The following GABRG2 variants were observed in gnomAD, a reference collection of about 807,000 sequenced individuals.
GABRG2 encodes the protein gamma-aminobutyric acid receptor subunit gamma-2.
In GABRG2, 16 loss-of-function variants were observed where a neutral mutation model predicts 56.4. The observed-to-expected ratio is 0.28, with a 90% CI of 0.19 to 0.43. GABRG2 has a LOEUF of 0.43. Ranked by LOEUF, GABRG2 falls within the 20% of genes least tolerant of loss-of-function variation. The pLI is 1.00. For synonymous variants in GABRG2, 208 were observed against 205.5 expected, an observed-to-expected ratio of 1.01 and a Z score of -0.10; for missense variants, 327 against 582.7, an observed-to-expected ratio of 0.56 and a Z score of 4.52.
At chr5:162,067,510 G>A (rs41303360), upstream of GABRG2, 19 of 424,482 alleles carry the variant, frequency 4.5e-5, 1 homozygote, top group South Asian at 1.7e-4. Flanking sequence ...AGTTAATCAC[G>A]CAGAGTCTCT....
At chr5:162,099,756 G>C (rs1489686839) in intron 4 of GABRG2, 1 of 152,150 alleles carries the variant, frequency 6.6e-6, no homozygotes, top group African/African-American at 2.4e-5. Flanking sequence ...CACCTCAAAA[G>C]TGTCACTAAT....
At chr5:162,116,348 C>A (rs436816) in intron 6 of GABRG2, among the ~76,000 whole-genome samples, 16,340 of 150,364 alleles carry the variant, frequency 0.11, 1,117 homozygotes, top group East Asian at 0.25. Context: ...GCTATGGTAA[C>A]AAATAACCCT....
chr5:162,078,185 C>T (rs922070660), intron 1 of GABRG2, among the ~76,000 whole-genome samples: 2 of 151,580 alleles, frequency 1.3e-5, no homozygotes, highest in Non-Finnish European at 2.9e-5. Context: ...GTTCTAGAGG[C>T]TGGAAGTCTG....
At chr5:162,102,801 C>T in intron 5 of GABRG2, 1 of 313,980 alleles carries the variant, frequency 3.2e-6, no homozygotes, top group South Asian at 2.7e-5. Context: ...CTCTCTCCAT[C>T]CCCTCCATCC....
chr5:162,135,128 C>T (rs1333428177), intron 6 of GABRG2, among the ~76,000 whole-genome samples: 1 of 152,132 alleles, frequency 6.6e-6, no homozygotes, highest in Non-Finnish European at 1.5e-5. Context: ...TCTCTTCTTT[C>T]ACTAATTGGA....
At chr5:162,138,516 T>C (rs1356898308) in intron 6 of GABRG2, among the ~76,000 whole-genome samples, 1 of 152,178 alleles carries the variant, frequency 6.6e-6, no homozygotes, top group Non-Finnish European at 1.5e-5. Flanking sequence ...AGGCCCCCTA[T>C]GTCTTAATCT....
chr5:162,116,027 T>C (rs1762591701), intron 6 of GABRG2, among the ~76,000 whole-genome samples: 2 of 151,834 alleles, frequency 1.3e-5, no homozygotes, highest in Admixed American at 6.6e-5. Context: ...AATATCATGG[T>C]GTAAGTTACT....
At position 162,097,112 on chromosome 5, in the gene GABRG2, A is replaced by G. The variant is rs550324703; in HGVS notation, c.328-526A>G. Reference sequence around the variant, plus strand: ...GATCTCCTGCTTATGACTTTTTTGCATATTCTGTACTTTGTTTCACTCTAC... The same window carrying G: ...GATCTCCTGCTTATGACTTTTTTGCGTATTCTGTACTTTGTTTCACTCTAC... On this transcript the variant is annotated intron_variant, in intron 3 of 9. Transcript: ENST00000639213. 9.9e-4 allele frequency among the ~76,000 whole-genome samples: 151 copies of G among 152,142 alleles called. 1 individual carries two copies. Among genetic ancestry groups the G allele is most frequent in the African/African-American group, 3.5e-3 (147 of 41,530 alleles).
intron 1 of GABRG2, among the ~76,000 whole-genome samples, chr5:162,073,971 A>G (rs185991504): frequency 2.0e-5 from 3 of 151,984 alleles, no homozygotes; most frequent in African/African-American, 7.2e-5. Flanking sequence ...ATCACATTGC[A>G]CAAGTATAGT....
At chr5:162,148,415 C>T (rs1236412288) in intron 7 of GABRG2, among the ~76,000 whole-genome samples, 1 of 147,982 alleles carries the variant, frequency 6.8e-6, no homozygotes, top group East Asian at 2.1e-4. Context: ...TTCTGAGATA[C>T]TTATTTTAAT....
At chr5:162,140,035 A>C (rs1056919265) in intron 6 of GABRG2, among the ~76,000 whole-genome samples, 1 of 152,222 alleles carries the variant, frequency 6.6e-6, no homozygotes, top group African/African-American at 2.4e-5. Context: ...TTAGGACAAA[A>C]GCAGGGACCA....
chr5:162,086,769 T>A (rs1176955473), intron 1 of GABRG2, among the ~76,000 whole-genome samples: 2 of 152,192 alleles, frequency 1.3e-5, no homozygotes, highest in African/African-American at 4.8e-5. Context: ...TTGCTGCATG[T>A]AGCAATATTT....
intron 1 of GABRG2, among the ~76,000 whole-genome samples, chr5:162,077,949 G>A (rs1334694978): frequency 6.6e-6 from 1 of 152,020 alleles, no homozygotes; most frequent in African/African-American, 2.4e-5. Flanking sequence ...GGAAGGGAGT[G>A]GGAGAGAGGG....
intron 3 of GABRG2, among the ~76,000 whole-genome samples, chr5:162,095,957 G>C (rs540211143): frequency 1.3e-5 from 2 of 152,002 alleles, no homozygotes; most frequent in African/African-American, 4.8e-5. Flanking sequence ...ATGTAATTCT[G>C]TTCTTATGTA....
intron 6 of GABRG2, among the ~76,000 whole-genome samples, chr5:162,123,048 A>G (rs1561652132): frequency 6.6e-6 from 1 of 151,768 alleles, no homozygotes; most frequent in East Asian, 1.9e-4. Context: ...TACCAATATG[A>G]AAACAGCTTA....
intron 4 of GABRG2, among the ~76,000 whole-genome samples, chr5:162,100,950 T>C (rs574845211): frequency 5.3e-5 from 8 of 152,268 alleles, no homozygotes; most frequent in Non-Finnish European, 1.2e-4. Context: ...GCAATTAATT[T>C]GCAAAGAGAA....
chr5:162,136,370 G>T (rs971865679), intron 6 of GABRG2, among the ~76,000 whole-genome samples: 1 of 152,068 alleles, frequency 6.6e-6, no homozygotes, highest in African/African-American at 2.4e-5. Context: ...TTGAAATGTG[G>T]TTTGTGTAAC....
At chr5:162,106,916 G>GGT (rs3079257) in intron 6 of GABRG2, among the ~76,000 whole-genome samples, 3 of 151,048 alleles carry the variant, frequency 2.0e-5, no homozygotes, top group Admixed American at 6.6e-5. Context: ...CTTGTGTCTT[G>GGT]GGTGGGGGGT....
rs999436509 is a variant in GABRG2 at position 162,067,937 on chromosome 5, A to C, written c.-63A>C. The C allele has an allele frequency of 3.1e-5, 35 of 1,136,426 alleles. No homozygotes were observed. The highest frequency in any genetic ancestry group is 4.6e-5 in the Non-Finnish European group (35 of 752,742). 70.4% of individuals were successfully genotyped at this position (1,136,426 alleles called of 1,614,324 possible). A position where few individuals can be genotyped will look rare whatever the true frequency, so the allele number is the denominator to read the frequency against. The stretch of plus-strand genomic sequence containing the variant: ...CAGATCATAAGCATAAGAATAATAC[A>C]AAGGGGAGGGATTCTTCTGCAACCA... On this transcript the variant is annotated 5_prime_UTR_variant, in exon 1 of 10. Coordinates refer to ENST00000639213, the MANE Select transcript of GABRG2 (RefSeq NM_198904.4).
Sources: gnomAD v4.1 joint callset for allele counts (sites outside exome capture counted in the v4.1 genomes callset) on GRCh38, gnomAD v4.1.1 for gene constraint, MANE v1.5 for transcripts, NCBI Gene and HGNC (gene_info 2026-07-23, HGNC 2026-07-21) for gene names.